PPP1R9A: variants seen among roughly 807,000 people sequenced by gnomAD.
The protein encoded by PPP1R9A is neurabin-1.
Under a neutral mutation model 141.9 loss-of-function variants are expected in PPP1R9A, and 59 were observed. The observed-to-expected ratio is 0.42, with a 90% CI of 0.34 to 0.52. The LOEUF (loss-of-function observed/expected upper bound fraction) is 0.52. PPP1R9A is among the 20% of genes least tolerant of loss of function. The probability of loss-of-function intolerance (pLI) is 0.10; values close to 1 mark genes in which losing one functional copy is unlikely to be tolerated. For missense variants in PPP1R9A, 1,444 were observed against 1,611.9 expected, an observed-to-expected ratio of 0.90 and a Z score of 1.78; for synonymous variants, 500 against 569.7, an observed-to-expected ratio of 0.88 and a Z score of 1.74.
chr7:94,907,542 G>A (rs1790884802), upstream of PPP1R9A: 2 of 152,078 alleles, frequency 1.3e-5, no homozygotes, highest in Non-Finnish European at 2.9e-5. Flanking sequence ...CCAGGCCGGA[G>A]AGGCCCCTCG....
At chr7:95,247,398 C>T in intron 8 of PPP1R9A, 75 bp from the exon 9 acceptor site, 1 of 1,257,482 alleles carries the variant, frequency 8.0e-7, no homozygotes, top group Non-Finnish European at 1.1e-6. Context: ...ATAAGGCATT[C>T]TTGTAGCTGC....
chr7:95,134,693 C>G (rs931625395), intron 4 of PPP1R9A, among the ~76,000 whole-genome samples: 1 of 152,138 alleles, frequency 6.6e-6, no homozygotes, highest in Non-Finnish European at 1.5e-5. Flanking sequence ...CCTTGGCCCC[C>G]CAAAGTGTTG....
chr7:95,107,776 G>GA (rs1342680300), intron 2 of PPP1R9A, among the ~76,000 whole-genome samples: 13 of 151,980 alleles, frequency 8.6e-5, no homozygotes, highest in African/African-American at 3.1e-4. Flanking sequence ...TAGTTTTCAC[G>GA]AAAAATGTAG....
chr7:94,912,913 C>A (rs983154533), intron 2 of PPP1R9A, among the ~76,000 whole-genome samples: 4 of 152,126 alleles, frequency 2.6e-5, no homozygotes, highest in Non-Finnish European at 4.4e-5. Flanking sequence ...CCAACCCCCA[C>A]TGCCCTACTC....
At chr7:95,240,455 T>C (rs1460131080) in intron 8 of PPP1R9A, among the ~76,000 whole-genome samples, 1 of 149,576 alleles carries the variant, frequency 6.7e-6, no homozygotes, top group Non-Finnish European at 1.5e-5. Context: ...ATCTATTACG[T>C]TTTTTTATGG....
Position 95,284,246 on chromosome 7 carries a change from CAA to C in PPP1R9A, c.3526_3527del (p.Lys1176GlufsTer28). ...AAAACACATGGATTACAAAAGCAAA[CAA>C]GAGAAACCCAAATCCCTCCTCTTCT... The part of the protein sequence containing the change: ...VENTWITKAN[K>X]RNPNPSSSSI... On this transcript the variant is annotated frameshift_variant, in exon 17 of 20. Transcript: ENST00000433360. LOFTEE classifies it high-confidence loss of function. The C allele has an allele frequency of 1.1e-5, 17 of 1,569,930 alleles. No homozygotes were observed. Among genetic ancestry groups the C allele is most frequent in the Non-Finnish European group, 1.5e-5 (17 of 1,153,208 alleles).
intron 4 of PPP1R9A, among the ~76,000 whole-genome samples, chr7:95,132,742 C>T (rs111425908): frequency 2.6e-5 from 4 of 152,210 alleles, no homozygotes; most frequent in African/African-American, 9.6e-5. Flanking sequence ...GGATGCTGCA[C>T]CCGCCACAGG....
At chr7:95,202,105 T>C (rs996584096) in intron 6 of PPP1R9A, among the ~76,000 whole-genome samples, 1 of 152,214 alleles carries the variant, frequency 6.6e-6, no homozygotes, top group Non-Finnish European at 1.5e-5. Context: ...CTCTAAAAAC[T>C]ATATTGAGAA....
chr7:95,100,357 A>T (rs1194104003), intron 2 of PPP1R9A, among the ~76,000 whole-genome samples: 1 of 152,214 alleles, frequency 6.6e-6, no homozygotes, highest in Admixed American at 6.5e-5. Flanking sequence ...ACTTGATTTT[A>T]TCATGGACTT....
chr7:94,981,001 G>A (rs1296740144), intron 2 of PPP1R9A, among the ~76,000 whole-genome samples: 2 of 152,164 alleles, frequency 1.3e-5, no homozygotes, highest in Non-Finnish European at 2.9e-5. Flanking sequence ...TCAGTGTAGT[G>A]GAAGAGATAA....
At chr7:95,006,886 G>C (rs1803686419) in intron 2 of PPP1R9A, among the ~76,000 whole-genome samples, 1 of 151,218 alleles carries the variant, frequency 6.6e-6, no homozygotes, top group South Asian at 2.1e-4. Flanking sequence ...TTGAGAGACG[G>C]AGTTTCGCGC....
chr7:95,057,324 G>T (rs1584472611), intron 2 of PPP1R9A, among the ~76,000 whole-genome samples: 2 of 152,140 alleles, frequency 1.3e-5, no homozygotes, highest in South Asian at 4.1e-4. Context: ...ATAAAGAAAA[G>T]AAAAGGGGGA....
At chr7:95,219,613 A>G (rs1300270389) in intron 7 of PPP1R9A, among the ~76,000 whole-genome samples, 1 of 152,094 alleles carries the variant, frequency 6.6e-6, no homozygotes, top group Non-Finnish European at 1.5e-5. Flanking sequence ...AAATCAGGAA[A>G]TATTCTGATA....
intron 2 of PPP1R9A, among the ~76,000 whole-genome samples, chr7:94,912,563 A>G (rs542434527): frequency 6.6e-6 from 1 of 152,308 alleles, no homozygotes; most frequent in Admixed American, 6.5e-5. Flanking sequence ...TCTCCTCAAA[A>G]TCTAAAATCA....
chr7:95,070,608 T>TATATATATATATATATATATATATAC (rs1387725085), intron 2 of PPP1R9A, among the ~76,000 whole-genome samples: 28 of 128,788 alleles, frequency 2.2e-4, no homozygotes, highest in Non-Finnish European at 4.7e-4. Context: ...TATATATATA[T>TATATATATATATATATATATATATAC]ATACACACAC....
intron 2 of PPP1R9A, among the ~76,000 whole-genome samples, chr7:95,012,011 C>A (rs1286428846): frequency 6.6e-6 from 1 of 151,960 alleles, no homozygotes; most frequent in African/African-American, 2.4e-5. Flanking sequence ...TTTATATGAG[C>A]CAACAATATG....
chr7:95,077,397 C>T (rs1308584511), intron 2 of PPP1R9A, among the ~76,000 whole-genome samples: 3 of 151,242 alleles, frequency 2.0e-5, no homozygotes, highest in Non-Finnish European at 4.4e-5. Context: ...TTTTTTAATC[C>T]CTTGACTTCC....
chr7:95,109,948 G>C (rs760209902), intron 2 of PPP1R9A, among the ~76,000 whole-genome samples: 2 of 152,018 alleles, frequency 1.3e-5, no homozygotes, highest in African/African-American at 4.8e-5. Context: ...CTATACTATG[G>C]AAATGTGCAT....
At chr7:95,053,284 G>A (rs1811059654) in intron 2 of PPP1R9A, among the ~76,000 whole-genome samples, 1 of 152,264 alleles carries the variant, frequency 6.6e-6, no homozygotes. Context: ...ATGGGTTATG[G>A]CTTTCATCAG....
Sources: gnomAD v4.1 joint callset for allele counts (sites outside exome capture counted in the v4.1 genomes callset) on GRCh38, gnomAD v4.1.1 for gene constraint, MANE v1.5 for transcripts, NCBI Gene and HGNC (gene_info 2026-07-23, HGNC 2026-07-21) for gene names.